SPON1: variants seen among roughly 807,000 people sequenced by gnomAD.
SPON1 encodes the protein spondin 1.
In SPON1, 52 loss-of-function variants were observed where a neutral mutation model predicts 111.7. That is an observed-to-expected ratio of 0.47 (90% CI 0.37 to 0.59). SPON1 has a LOEUF of 0.59. Among genes scored for constraint, SPON1 ranks in the 20% least tolerant of loss-of-function variants. The pLI is 0.00. For missense variants in SPON1, 957 were observed against 1,068.5 expected, an observed-to-expected ratio of 0.90 and a Z score of 1.46; for synonymous variants, 410 against 395.8, an observed-to-expected ratio of 1.04 and a Z score of -0.43.
At chr11:14,037,168 T>G (rs1554916740) in intron 2 of SPON1, among the ~76,000 whole-genome samples, 1 of 152,104 alleles carries the variant, frequency 6.6e-6, no homozygotes, top group East Asian at 1.9e-4. Context: ...TGTGCAGGTT[T>G]GTTACATATG....
intron 1 of SPON1, among the ~76,000 whole-genome samples, chr11:13,970,910 A>G (rs1591336073): frequency 1.3e-5 from 2 of 152,228 alleles, no homozygotes; most frequent in Non-Finnish European, 2.9e-5. Flanking sequence ...TTATGAGAGC[A>G]AAGACTTTGT....
chr11:14,170,531 T>C (rs1324069525), intron 6 of SPON1, among the ~76,000 whole-genome samples: 2 of 152,228 alleles, frequency 1.3e-5, no homozygotes, highest in East Asian at 1.9e-4. Context: ...TCCAACACTA[T>C]GTTGAATAGG....
intron 6 of SPON1, among the ~76,000 whole-genome samples, chr11:14,191,036 G>A (rs1386460605): frequency 2.0e-5 from 3 of 152,076 alleles, no homozygotes; most frequent in Admixed American, 6.5e-5. Context: ...AAAGAGCATT[G>A]TTCTAAAGCT....
intron 5 of SPON1, among the ~76,000 whole-genome samples, chr11:14,127,053 G>GA (rs1321097586): frequency 6.6e-6 from 1 of 152,120 alleles, no homozygotes; most frequent in African/African-American, 2.4e-5. Flanking sequence ...ATGCCTTACA[G>GA]AAATGTGTCT....
intron 3 of SPON1, among the ~76,000 whole-genome samples, chr11:14,073,687 A>G (rs1848895000): frequency 6.6e-6 from 1 of 152,144 alleles, no homozygotes; most frequent in African/African-American, 2.4e-5. Context: ...GTAAACTTTA[A>G]TCAAGGTTGT....
intron 5 of SPON1, among the ~76,000 whole-genome samples, chr11:14,112,587 A>C (rs1184069538): frequency 1.3e-5 from 2 of 152,250 alleles, no homozygotes; most frequent in African/African-American, 4.8e-5. Flanking sequence ...CGCCTAGCAT[A>C]TATTCAGTGT....
chr11:14,022,947 G>A (rs1488393244), intron 2 of SPON1, among the ~76,000 whole-genome samples: 1 of 152,172 alleles, frequency 6.6e-6, no homozygotes, highest in South Asian at 2.1e-4. Flanking sequence ...GAAGCCTCAG[G>A]CATATCTAAA....
chr11:14,153,356 C>T (rs1308770542), intron 6 of SPON1, among the ~76,000 whole-genome samples: 3 of 152,100 alleles, frequency 2.0e-5, no homozygotes, highest in African/African-American at 7.2e-5. Context: ...GTAAAGGAAA[C>T]ATGGCTGTGG....
chr11:14,205,912 T>C (rs888007659), intron 6 of SPON1, among the ~76,000 whole-genome samples: 1 of 152,104 alleles, frequency 6.6e-6, no homozygotes, highest in Non-Finnish European at 1.5e-5. Flanking sequence ...TGAGCCTGAC[T>C]CTCCAGGTTT....
chr11:14,104,096 A>T (rs544653839), intron 5 of SPON1, among the ~76,000 whole-genome samples: 7 of 151,980 alleles, frequency 4.6e-5, no homozygotes, highest in Non-Finnish European at 8.8e-5. Flanking sequence ...CCCTTTAATT[A>T]GTAGACCTTT....
At position 14,267,723 on chromosome 11, in the gene SPON1, CTCTT is replaced by C. The variant is rs1849287924; in HGVS notation, c.*2041_*2044del. ...GGGGAATTTATAAGAAGCATCAAGT[CTCTT>C]TCTTACCAAAGTCTTGTTAGGTGGT... On this transcript the variant is annotated 3_prime_UTR_variant, in exon 16 of 16. Coordinates refer to ENST00000576479, the MANE Select transcript of SPON1 (RefSeq NM_006108.4). 1 of 152,216 alleles carries C rather than the reference CTCTT, an allele frequency of 6.6e-6. No individual in the cohort carries two copies. The highest frequency in any genetic ancestry group is 2.4e-5 in the African/African-American group (1 of 41,452). 9.4% of individuals were successfully genotyped at this position (152,216 alleles called of 1,614,324 possible).
At chr11:14,126,236 G>A (rs1847457984) in intron 5 of SPON1, among the ~76,000 whole-genome samples, 1 of 152,106 alleles carries the variant, frequency 6.6e-6, no homozygotes, top group Non-Finnish European at 1.5e-5. Context: ...CAGTCAGGTT[G>A]ACATATAAAA....
chr11:14,048,240 A>AAAACAAAC (rs34567808), intron 3 of SPON1, among the ~76,000 whole-genome samples: 14,490 of 151,822 alleles, frequency 0.095, 764 homozygotes, highest in Middle Eastern at 0.15. Flanking sequence ...ACCTCATCTC[A>AAAACAAAC]AAACAAACAA....
intron 15 of SPON1, 42 bp from the exon 16 acceptor site, chr11:14,265,482 T>TC (rs1554942376): frequency 1.3e-6 from 2 of 1,590,424 alleles, no homozygotes; most frequent in Non-Finnish European, 1.7e-6. Context: ...CCCTGTTCCG[T>TC]CCCGTTTCTG....
chr11:14,174,839 GAA>G (rs200813287), intron 6 of SPON1, among the ~76,000 whole-genome samples: 1,567 of 152,190 alleles, frequency 0.01, 25 homozygotes, highest in African/African-American at 0.036. Context: ...CTCTAAAAAA[GAA>G]ATCCTTTCAA....
intron 6 of SPON1, among the ~76,000 whole-genome samples, chr11:14,206,763 G>A (rs1187260438): frequency 6.6e-6 from 1 of 152,150 alleles, no homozygotes; most frequent in Non-Finnish European, 1.5e-5. Flanking sequence ...AACATTCCAT[G>A]CCCGTGGATA....
intron 6 of SPON1, among the ~76,000 whole-genome samples, chr11:14,165,072 G>A (rs1848012520): frequency 6.6e-6 from 1 of 152,146 alleles, no homozygotes; most frequent in Non-Finnish European, 1.5e-5. Context: ...GTCCTACAAA[G>A]GCAATCTAGT....
rs1281449116 is a variant in SPON1 at position 14,135,941 on chromosome 11, A to G, written c.825+373A>G. Reference sequence around the variant, plus strand: ...CTGTCCAGCCAAATCCCCAAAATAAATGTTTGAGTATTGGCACGTGCTTTT... The same window carrying G: ...CTGTCCAGCCAAATCCCCAAAATAAGTGTTTGAGTATTGGCACGTGCTTTT... On this transcript the variant is annotated intron_variant, in intron 6 of 15. Coordinates refer to ENST00000576479, the MANE Select transcript of SPON1 (RefSeq NM_006108.4). The surrounding 1 kb of genome is among the most constrained non-coding windows in gnomAD (Gnocchi z 4.4). Among the ~76,000 whole-genome samples, 3 of 152,142 alleles carry G rather than the reference A, an allele frequency of 2.0e-5. No homozygotes were observed. Among genetic ancestry groups the G allele is most frequent in the Admixed American group, 6.5e-5 (1 of 15,272 alleles).
At chr11:14,263,853 A>AC (rs1162198283) in intron 15 of SPON1, among the ~76,000 whole-genome samples, 2 of 151,954 alleles carry the variant, frequency 1.3e-5, no homozygotes. Flanking sequence ...ATATGGTGAA[A>AC]CCCCATCTCT....
Sources: allele counts gnomAD v4.1 joint callset (sites outside exome capture counted in the v4.1 genomes callset), GRCh38; gene constraint gnomAD v4.1.1; non-coding constraint Gnocchi (gnomAD v3.1); transcripts MANE v1.5; gene names NCBI Gene and HGNC (gene_info 2026-07-23, HGNC 2026-07-21).